Variants in FAM3C observed in about 807,000 individuals in gnomAD.
FAM3C encodes protein FAM3C.
A neutral mutation model predicts 32.5 loss-of-function variants in FAM3C; 15 were observed. The observed-to-expected ratio is 0.46, with a 90% CI of 0.31 to 0.71. The LOEUF (loss-of-function observed/expected upper bound fraction) is 0.71. Ranked by LOEUF, FAM3C falls within the 30% of genes least tolerant of loss-of-function variation. FAM3C has a pLI of 0.05. For synonymous variants in FAM3C, 75 were observed against 86.1 expected (o/e 0.87, Z 0.72); for missense variants, 175 against 274.4 (o/e 0.64, Z 2.56).
At chr7:121,383,117 C>T in intron 1 of FAM3C, 107 bp from the exon 2 acceptor site, 1 of 551,256 alleles carries the variant, frequency 1.8e-6, no homozygotes, top group Admixed American at 3.7e-5. Context: ...TATGACATTT[C>T]TAAGTATTAT....
chr7:121,393,884 C>G (rs1035731233), intron 1 of FAM3C, among the ~76,000 whole-genome samples: 1 of 152,220 alleles, frequency 6.6e-6, no homozygotes, highest in African/African-American at 2.4e-5. Flanking sequence ...TCCTGATCAT[C>G]TGATCCCAAG....
At chr7:121,351,926 G>A (rs567893036) in intron 8 of FAM3C, among the ~76,000 whole-genome samples, 1 of 152,246 alleles carries the variant, frequency 6.6e-6, no homozygotes, top group South Asian at 2.1e-4. Flanking sequence ...AAAATTTTGT[G>A]TAAGTGATCA....
chr7:121,354,716 C>T (rs1793774184), intron 8 of FAM3C, among the ~76,000 whole-genome samples: 1 of 152,080 alleles, frequency 6.6e-6, no homozygotes, highest in Non-Finnish European at 1.5e-5. Context: ...GTAAGAAATG[C>T]TAACTATATA....
At chr7:121,377,029 T>G (rs925801555) in intron 3 of FAM3C, among the ~76,000 whole-genome samples, 2 of 152,140 alleles carry the variant, frequency 1.3e-5, no homozygotes, top group African/African-American at 4.8e-5. Flanking sequence ...CATCTTGAAA[T>G]GTAGTCCCAT....
At chr7:121,384,995 T>C (rs569213138) in intron 1 of FAM3C, among the ~76,000 whole-genome samples, 3 of 152,088 alleles carry the variant, frequency 2.0e-5, no homozygotes, top group Non-Finnish European at 4.4e-5. Context: ...ACAATTATCT[T>C]GTATGGGTGA....
chr7:121,358,927 C>G (rs1411407119), intron 8 of FAM3C, among the ~76,000 whole-genome samples: 2 of 151,270 alleles, frequency 1.3e-5, no homozygotes, highest in Non-Finnish European at 3.0e-5. Flanking sequence ...AGGGGTCTTA[C>G]AAGTCAAGAT....
chr7:121,359,419 G>T (rs188101630), intron 8 of FAM3C, among the ~76,000 whole-genome samples: 1 of 150,954 alleles, frequency 6.6e-6, no homozygotes, highest in African/African-American at 2.5e-5. Context: ...TAAGTGAAGA[G>T]ATATGCTATA....
At chr7:121,371,484 T>C (rs1038913712) in intron 4 of FAM3C, 61 bp from the exon 5 acceptor site, 17 of 1,542,238 alleles carry the variant, frequency 1.1e-5, no homozygotes, top group Middle Eastern at 3.4e-4. Context: ...TTTACCTCAC[T>C]TTACTTCAAA....
At chr7:121,394,256 C>T (rs757504443) in intron 1 of FAM3C, among the ~76,000 whole-genome samples, 3 of 152,154 alleles carry the variant, frequency 2.0e-5, no homozygotes. Flanking sequence ...CCTCAGGGAA[C>T]ATTACTTTTT....
intron 5 of FAM3C, among the ~76,000 whole-genome samples, chr7:121,370,141 C>T (rs1405474723): frequency 6.6e-6 from 1 of 152,152 alleles, no homozygotes; most frequent in Non-Finnish European, 1.5e-5. Context: ...TTCTAAAATG[C>T]AAGTGCCTTA....
chr7:121,374,974 T>C (rs1794213211), intron 3 of FAM3C, among the ~76,000 whole-genome samples: 1 of 152,208 alleles, frequency 6.6e-6, no homozygotes, highest in South Asian at 2.1e-4. Flanking sequence ...TACCTACATT[T>C]GTTTTCACTC....
chr7:121,385,523 A>C (rs7792993), intron 1 of FAM3C, among the ~76,000 whole-genome samples: 28,864 of 152,104 alleles, frequency 0.19, 2,806 homozygotes, highest in South Asian at 0.21. Flanking sequence ...CATGGTTGAC[A>C]ATTTAAACAT....
At chr7:121,385,163 T>C (rs1199867132) in intron 1 of FAM3C, among the ~76,000 whole-genome samples, 1 of 152,076 alleles carries the variant, frequency 6.6e-6, no homozygotes, top group African/African-American at 2.4e-5. Flanking sequence ...GCGAAAGGGC[T>C]TATATATAAG....
At chr7:121,372,694 C>T (rs1794172272) in intron 3 of FAM3C, among the ~76,000 whole-genome samples, 1 of 152,164 alleles carries the variant, frequency 6.6e-6, no homozygotes, top group Non-Finnish European at 1.5e-5. Flanking sequence ...TAGTTCTCAA[C>T]CTGACCATCT....
At chr7:121,364,461 C>G (rs1584694362) in intron 5 of FAM3C, 1 of 335,026 alleles carries the variant, frequency 3.0e-6, no homozygotes, top group Admixed American at 4.8e-5. Context: ...TGCTACACTG[C>G]TTCAGATTAT....
At chr7:121,368,385 C>T (rs1286181314) in intron 5 of FAM3C, among the ~76,000 whole-genome samples, 1 of 152,172 alleles carries the variant, frequency 6.6e-6, no homozygotes, top group Non-Finnish European at 1.5e-5. Context: ...TACATGTACT[C>T]AGAGCAGGTG....
chr7:121,371,233 T>G, intron 5 of FAM3C, 67 bp downstream of exon 5: 1 of 1,558,698 alleles, frequency 6.4e-7, no homozygotes, highest in Non-Finnish European at 8.8e-7. Flanking sequence ...AAATATCCAT[T>G]AAACTCAGGT....
chr7:121,359,696 TA>T, intron 8 of FAM3C, among the ~76,000 whole-genome samples: 2 of 152,046 alleles, frequency 1.3e-5, no homozygotes, highest in Admixed American at 1.3e-4. Flanking sequence ...CCTAATGACA[TA>T]ATAATAGGGA....
chr7:121,373,069 T>C (rs1374477500), intron 3 of FAM3C, among the ~76,000 whole-genome samples: 1 of 152,162 alleles, frequency 6.6e-6, no homozygotes, highest in Non-Finnish European at 1.5e-5. Context: ...TATAATAACA[T>C]TGAAAAAGCT....
Sources: gnomAD v4.1 joint callset for allele counts (sites outside exome capture counted in the v4.1 genomes callset) on GRCh38, gnomAD v4.1.1 for gene constraint, MANE v1.5 for transcripts, NCBI Gene and HGNC (gene_info 2026-07-23, HGNC 2026-07-21) for gene names.